SLX4IP: variants seen among roughly 807,000 people sequenced by gnomAD.
SLX4IP encodes SLX4 interacting protein.
A neutral mutation model predicts 32.9 loss-of-function variants in SLX4IP; 34 were observed. The ratio of observed to expected loss-of-function variants is 1.03; its 90% confidence interval spans 0.79 to 1.38. The LOEUF is 1.38. Among genes scored for constraint, SLX4IP ranks in the 40% most tolerant of loss-of-function variants. SLX4IP has a pLI of 0.00. For synonymous variants in SLX4IP, 172 were observed against 171.7 expected (o/e 1.00, Z -0.01); for missense variants, 444 against 479.0 (o/e 0.93, Z 0.68).
At chr20:10,604,955 C>T (rs2066888706) in intron 6 of SLX4IP, among the ~76,000 whole-genome samples, 1 of 152,076 alleles carries the variant, frequency 6.6e-6, no homozygotes, top group African/African-American at 2.4e-5. Context: ...TTTTTCCTCA[C>T]CGTTTTTTTC....
At chr20:10,499,543 G>A (rs1265424024) in intron 2 of SLX4IP, among the ~76,000 whole-genome samples, 4 of 152,130 alleles carry the variant, frequency 2.6e-5, no homozygotes, top group Non-Finnish European at 5.9e-5. Flanking sequence ...TAATTTTCAT[G>A]AAAATCAATG....
chr20:10,529,590 CA>C (rs71334410), intron 2 of SLX4IP, among the ~76,000 whole-genome samples: 970 of 53,560 alleles, frequency 0.018, 3 homozygotes, highest in African/African-American at 0.055. Context: ...GACTCCATCT[CA>C]AAAAAAAAAA....
At chr20:10,477,559 GC>G (rs2065486349) in intron 2 of SLX4IP, among the ~76,000 whole-genome samples, 1 of 152,150 alleles carries the variant, frequency 6.6e-6, no homozygotes, top group African/African-American at 2.4e-5. Flanking sequence ...GAGCCACCGT[GC>G]CCGGCCGAAG....
chr20:10,614,617 C>T (rs903466202), intron 6 of SLX4IP, among the ~76,000 whole-genome samples: 2 of 152,170 alleles, frequency 1.3e-5, no homozygotes, highest in Admixed American at 6.5e-5. Flanking sequence ...GAGCTGGCTG[C>T]AAGTCACTCC....
At chr20:10,518,743 T>C (rs1163889162) in intron 2 of SLX4IP, among the ~76,000 whole-genome samples, 1 of 151,958 alleles carries the variant, frequency 6.6e-6, no homozygotes, top group Non-Finnish European at 1.5e-5. Flanking sequence ...AATATTTTTG[T>C]ATTTTTTGTA....
At chr20:10,464,917 G>A (rs913449408) in intron 2 of SLX4IP, among the ~76,000 whole-genome samples, 7 of 152,012 alleles carry the variant, frequency 4.6e-5, no homozygotes, top group African/African-American at 1.4e-4. Context: ...GGCCTCCTAC[G>A]TAGCTGGGAC....
At chr20:10,616,974 A>G (rs897719136) in intron 6 of SLX4IP, among the ~76,000 whole-genome samples, 1 of 152,172 alleles carries the variant, frequency 6.6e-6, no homozygotes, top group African/African-American at 2.4e-5. Context: ...CTGCTCAGTT[A>G]TCAATTCTGT....
At chr20:10,458,683 G>A (rs2065309358) in intron 2 of SLX4IP, among the ~76,000 whole-genome samples, 1 of 152,136 alleles carries the variant, frequency 6.6e-6, no homozygotes. Context: ...CCCTGCAAAG[G>A]ACATGATTTT....
Position 10,626,854 on chromosome 20 carries a change from G to A in SLX4IP, c.*3475G>A, listed in dbSNP as rs1252468882. Reference sequence around the variant, plus strand: ...AAAAACCCTCTGTATTTTGATTTATGAAGAATATAGCTTCTCTCTGAAGTA... The same window carrying A: ...AAAAACCCTCTGTATTTTGATTTATAAAGAATATAGCTTCTCTCTGAAGTA... On this transcript the variant is annotated 3_prime_UTR_variant, in exon 8 of 8. Transcript: ENST00000334534. 6.6e-6 allele frequency: 1 copy of A among 152,198 alleles called. No homozygotes were observed. Among genetic ancestry groups the A allele is most frequent in the Non-Finnish European group, 1.5e-5 (1 of 68,032 alleles). 9.4% of individuals were successfully genotyped at this position (152,198 alleles called of 1,614,324 possible).
intron 4 of SLX4IP, among the ~76,000 whole-genome samples, chr20:10,589,260 A>T (rs922074678): frequency 3.3e-5 from 5 of 152,214 alleles, no homozygotes; most frequent in African/African-American, 1.2e-4. Flanking sequence ...GAGATTTACC[A>T]TGTCAAATGT....
chr20:10,552,609 G>T (rs2066229078), intron 2 of SLX4IP, among the ~76,000 whole-genome samples: 1 of 152,058 alleles, frequency 6.6e-6, no homozygotes, highest in Non-Finnish European at 1.5e-5. Flanking sequence ...CCCCAGGAAA[G>T]TCTGCTCACC....
At position 10,626,301 on chromosome 20, in the gene SLX4IP, G is replaced by C. The variant is rs2067173697; in HGVS notation, c.*2922G>C. The C allele has an allele frequency of 6.7e-6, 1 of 148,968 alleles. No homozygotes were observed. 9.2% of individuals were successfully genotyped at this position (148,968 alleles called of 1,614,324 possible). A position where few individuals can be genotyped will look rare whatever the true frequency, so the allele number is the denominator to read the frequency against. On this transcript the variant is annotated 3_prime_UTR_variant, in exon 8 of 8. Transcript: ENST00000334534. ...GCCCGCCTCGGCCTCCCAAAGTGCT[G>C]GGATTACAGGTGAGAGCCACCGCAC... is the stretch of plus-strand genomic sequence containing the variant.
intron 2 of SLX4IP, among the ~76,000 whole-genome samples, chr20:10,523,720 C>G (rs1418333337): frequency 6.6e-6 from 1 of 152,192 alleles, no homozygotes; most frequent in African/African-American, 2.4e-5. Context: ...GATGATACGT[C>G]AGAACTGTCT....
chr20:10,552,827 C>G (rs1236276065), intron 2 of SLX4IP, among the ~76,000 whole-genome samples: 1 of 143,012 alleles, frequency 7.0e-6, no homozygotes, highest in Non-Finnish European at 1.5e-5. Context: ...CCTCCCCCCA[C>G]CCCCTTTTTT....
intron 4 of SLX4IP, among the ~76,000 whole-genome samples, chr20:10,594,259 T>C (rs1293539281): frequency 6.6e-6 from 1 of 152,188 alleles, no homozygotes; most frequent in Non-Finnish European, 1.5e-5. Flanking sequence ...GGGAGAGAAG[T>C]ACTGAGGGGC....
intron 2 of SLX4IP, among the ~76,000 whole-genome samples, chr20:10,546,484 C>G (rs2066163817): frequency 6.6e-6 from 1 of 152,100 alleles, no homozygotes; most frequent in African/African-American, 2.4e-5. Flanking sequence ...ATGGAACTAA[C>G]AGTTCAGAAT....
At chr20:10,551,341 G>A (rs2066216307) in intron 2 of SLX4IP, among the ~76,000 whole-genome samples, 1 of 152,208 alleles carries the variant, frequency 6.6e-6, no homozygotes, top group Non-Finnish European at 1.5e-5. Context: ...AGAATAGGGA[G>A]AGAGGAAGTT....
intron 1 of SLX4IP, among the ~76,000 whole-genome samples, chr20:10,449,476 C>T (rs2122328452): frequency 6.6e-6 from 1 of 152,284 alleles, no homozygotes; most frequent in Middle Eastern, 3.4e-3. Flanking sequence ...TAGTCACTGA[C>T]TTTGGCAATT....
rs113068412 is a variant in SLX4IP at position 10,464,828 on chromosome 20, A to G, written c.27+6597A>G. The stretch of plus-strand genomic sequence containing the variant: ...TGGCCTTGAATTCTTTTTTTTAATC[A>G]CTATTTTTTAGAGACAGGATCTCGT... On this transcript the variant is annotated intron_variant, in intron 2 of 7. Coordinates refer to ENST00000334534, the MANE Select transcript of SLX4IP (RefSeq NM_001009608.3). 4.8e-3 allele frequency among the ~76,000 whole-genome samples: 726 copies of G among 151,158 alleles called. 16 individuals are homozygous for G. The South Asian group carries it at 0.069, about 14-fold the overall frequency.
Sources: gnomAD v4.1 joint callset for allele counts (sites outside exome capture counted in the v4.1 genomes callset) on GRCh38, gnomAD v4.1.1 for gene constraint, MANE v1.5 for transcripts, NCBI Gene and HGNC (gene_info 2026-07-23, HGNC 2026-07-21) for gene names.